Variants in CACNA2D3 observed in about 807,000 individuals in gnomAD.
CACNA2D3 encodes voltage-dependent calcium channel subunit alpha-2/delta-3.
A neutral mutation model predicts 160.6 loss-of-function variants in CACNA2D3; 60 were observed. The ratio of observed to expected loss-of-function variants is 0.37; its 90% CI spans 0.30 to 0.46. CACNA2D3 has a LOEUF of 0.46. CACNA2D3 is among the 20% of genes least tolerant of loss of function. CACNA2D3 has a pLI of 1.00. For missense variants in CACNA2D3, 1,205 were observed against 1,365.0 expected, an observed-to-expected ratio of 0.88 and a Z score of 1.85; for synonymous variants, 558 against 492.9, an observed-to-expected ratio of 1.13 and a Z score of -1.75.
At chr3:54,257,737 A>C (rs974946812) in intron 2 of CACNA2D3, among the ~76,000 whole-genome samples, 2 of 152,222 alleles carry the variant, frequency 1.3e-5, no homozygotes, top group Non-Finnish European at 2.9e-5. Context: ...GGCAAAGGGC[A>C]GTGGGCCCCC....
At chr3:54,898,778 A>G (rs955249684) in intron 26 of CACNA2D3, among the ~76,000 whole-genome samples, 1 of 152,236 alleles carries the variant, frequency 6.6e-6, no homozygotes, top group Non-Finnish European at 1.5e-5. Flanking sequence ...ATGTAATGGT[A>G]TAATGAAGTG....
intron 5 of CACNA2D3, among the ~76,000 whole-genome samples, chr3:54,530,022 T>C (rs1372923170): frequency 6.6e-6 from 1 of 152,108 alleles, no homozygotes; most frequent in Non-Finnish European, 1.5e-5. Flanking sequence ...CAGTATTGGG[T>C]GAGGTCCTGG....
At chr3:54,934,426 A>G (rs974670744) in intron 27 of CACNA2D3, among the ~76,000 whole-genome samples, 3 of 151,940 alleles carry the variant, frequency 2.0e-5, no homozygotes, top group Admixed American at 1.3e-4. Flanking sequence ...TGCCCTTTTG[A>G]TAAGGTAAGA....
At chr3:54,621,393 C>T (rs1424846391) in intron 9 of CACNA2D3, among the ~76,000 whole-genome samples, 1 of 152,208 alleles carries the variant, frequency 6.6e-6, no homozygotes, top group Non-Finnish European at 1.5e-5. Context: ...TGGCATTTGG[C>T]ACAGGGAGTG....
Position 55,040,869 on chromosome 3 carries a change from C to G in CACNA2D3, c.2987+22552C>G, listed in dbSNP as rs558603112. The stretch of plus-strand genomic sequence containing the variant: ...AAAATGAGGTAATTTAGAGCAGCAT[C>G]GCTTCCATTTCCCAATCCTTCATCC... On this transcript the variant is annotated intron_variant, in intron 35 of 37. Transcript: ENST00000474759. 4.6e-5 allele frequency among the ~76,000 whole-genome samples: 7 copies of G among 152,292 alleles called. No homozygotes were observed. In the South Asian group the frequency reaches 1.5e-3, roughly 32 times the overall value.
At chr3:54,499,373 A>G (rs1282883346) in intron 4 of CACNA2D3, among the ~76,000 whole-genome samples, 2 of 152,006 alleles carry the variant, frequency 1.3e-5, no homozygotes, top group African/African-American at 4.8e-5. Flanking sequence ...GGTTTCATTG[A>G]TACTACTGAT....
At chr3:54,165,161 G>T (rs549771642) in intron 2 of CACNA2D3, among the ~76,000 whole-genome samples, 1 of 126,892 alleles carries the variant, frequency 7.9e-6, no homozygotes, top group Non-Finnish European at 1.6e-5. Context: ...GAACAAGATC[G>T]GTCTTTTTTG....
chr3:54,362,497 C>T (rs1166813309), intron 3 of CACNA2D3, among the ~76,000 whole-genome samples: 1 of 152,154 alleles, frequency 6.6e-6, no homozygotes, highest in African/African-American at 2.4e-5. Context: ...ATTCACGGGC[C>T]CTGCCCACAC....
At chr3:54,212,397 A>T (rs1349768694) in intron 2 of CACNA2D3, among the ~76,000 whole-genome samples, 2 of 152,192 alleles carry the variant, frequency 1.3e-5, no homozygotes, top group Non-Finnish European at 2.9e-5. Flanking sequence ...TCTGATTGGC[A>T]GTCGGTTGTA....
At chr3:55,032,209 A>G (rs1163571725) in intron 35 of CACNA2D3, among the ~76,000 whole-genome samples, 1 of 152,214 alleles carries the variant, frequency 6.6e-6, no homozygotes, top group Non-Finnish European at 1.5e-5. Flanking sequence ...AATTAAGTCC[A>G]GATCTGCCCG....
At chr3:54,665,124 A>C (rs1362236473) in intron 11 of CACNA2D3, among the ~76,000 whole-genome samples, 1 of 152,116 alleles carries the variant, frequency 6.6e-6, no homozygotes, top group Non-Finnish European at 1.5e-5. Context: ...GAAGATATAT[A>C]CTCCACCTTT....
chr3:54,213,953 G>A (rs1180719719), intron 2 of CACNA2D3, among the ~76,000 whole-genome samples: 1 of 152,192 alleles, frequency 6.6e-6, no homozygotes, highest in Non-Finnish European at 1.5e-5. Flanking sequence ...AATCAGTTGA[G>A]TGGTTGGTCC....
At chr3:54,668,726 C>A (rs536712980) in intron 11 of CACNA2D3, among the ~76,000 whole-genome samples, 1 of 152,250 alleles carries the variant, frequency 6.6e-6, no homozygotes, top group Non-Finnish European at 1.5e-5. Context: ...AGACAGGGAA[C>A]CTGTGGGAAC....
intron 9 of CACNA2D3, among the ~76,000 whole-genome samples, chr3:54,627,321 C>T (rs976303792): frequency 1.3e-5 from 2 of 152,028 alleles, no homozygotes; most frequent in Non-Finnish European, 2.9e-5. Context: ...TCTGAGAATA[C>T]GTCATGCGGT....
intron 4 of CACNA2D3, among the ~76,000 whole-genome samples, chr3:54,451,575 C>G (rs778281524): frequency 6.6e-6 from 1 of 152,158 alleles, no homozygotes; most frequent in Non-Finnish European, 1.5e-5. Context: ...CATGCCTAAT[C>G]TCTCCATAGG....
At chr3:54,931,634 G>A (rs1365860993) in intron 27 of CACNA2D3, among the ~76,000 whole-genome samples, 1 of 152,140 alleles carries the variant, frequency 6.6e-6, no homozygotes, top group African/African-American at 2.4e-5. Context: ...TTCCCACATG[G>A]GAGCTAGCTG....
chr3:54,425,597 G>C (rs184881325), intron 4 of CACNA2D3, among the ~76,000 whole-genome samples: 2 of 152,316 alleles, frequency 1.3e-5, no homozygotes. Context: ...CTGAACACCT[G>C]AGGATACCAG....
intron 35 of CACNA2D3, among the ~76,000 whole-genome samples, chr3:55,051,172 G>C (rs1352920459): frequency 7.2e-5 from 11 of 152,178 alleles, no homozygotes; most frequent in Non-Finnish European, 1.5e-4. Flanking sequence ...TGGAGGAGGA[G>C]AGGTGCTCTG....
intron 11 of CACNA2D3, among the ~76,000 whole-genome samples, chr3:54,707,865 G>A (rs1700886380): frequency 6.6e-6 from 1 of 152,192 alleles, no homozygotes; most frequent in Non-Finnish European, 1.5e-5. Context: ...TTTGTGTATA[G>A]AAGGAGCTGT....
Sources: allele counts gnomAD v4.1 joint callset (sites outside exome capture counted in the v4.1 genomes callset), GRCh38; gene constraint gnomAD v4.1.1; transcripts MANE v1.5; gene names NCBI Gene and HGNC (gene_info 2026-07-23, HGNC 2026-07-21).